The following LGR4 variants were observed in gnomAD, a reference collection of about 807,000 sequenced individuals.
The protein encoded by LGR4 is leucine rich repeat containing G protein-coupled receptor 4, also known as leucine-rich repeat-containing G protein-coupled receptor 4.
A neutral mutation model predicts 84.8 loss-of-function variants in LGR4; 44 were observed. The ratio of observed to expected loss-of-function variants is 0.52; its 90% confidence interval spans 0.41 to 0.67. The LOEUF (loss-of-function observed/expected upper bound fraction) is 0.67. Among genes scored for constraint, LGR4 ranks in the 30% least tolerant of loss-of-function variants. The pLI, the probability that LGR4 is intolerant of heterozygous loss-of-function variation, is 0.00. For missense variants in LGR4, 1,032 were observed against 1,131.4 expected, an observed-to-expected ratio of 0.91 and a Z score of 1.26; for synonymous variants, 429 against 434.3, an observed-to-expected ratio of 0.99 and a Z score of 0.15.
intron 9 of LGR4, 29 bp downstream of exon 9, chr11:27,380,611 C>A: frequency 7.4e-7 from 1 of 1,357,780 alleles, no homozygotes; most frequent in African/African-American, 1.4e-5. Context: ...TATAAATATC[C>A]AGGTTTGTTT....
chr11:27,429,939 G>A (rs1387710836), intron 1 of LGR4, among the ~76,000 whole-genome samples: 1 of 152,086 alleles, frequency 6.6e-6, no homozygotes. Context: ...TGCAGGGCAG[G>A]GGGAAGTTCC....
intron 3 of LGR4, among the ~76,000 whole-genome samples, chr11:27,391,534 C>A (rs1863285068): frequency 6.6e-6 from 1 of 152,028 alleles, no homozygotes; most frequent in Admixed American, 6.6e-5. Context: ...GTATAATAAG[C>A]AAATCCGTTG....
intron 2 of LGR4, among the ~76,000 whole-genome samples, chr11:27,410,083 G>GAACT (rs1863682665): frequency 6.6e-6 from 1 of 152,122 alleles, no homozygotes; most frequent in Admixed American, 6.6e-5. Flanking sequence ...TCAACTAAGG[G>GAACT]AACTGAATTT....
At chr11:27,384,882 C>T (rs1222979607) in intron 5 of LGR4, among the ~76,000 whole-genome samples, 1 of 152,156 alleles carries the variant, frequency 6.6e-6, no homozygotes, top group African/African-American at 2.4e-5. Flanking sequence ...CACATACTCT[C>T]TGAACAAGTG....
intron 1 of LGR4, among the ~76,000 whole-genome samples, chr11:27,423,754 T>C (rs1410980635): frequency 1.3e-5 from 2 of 152,220 alleles, no homozygotes; most frequent in Admixed American, 6.5e-5. Flanking sequence ...TGGTTTGTAA[T>C]ACTCTTGGAC....
Position 27,380,932 on chromosome 11 carries a change from C to T in LGR4, c.793G>A (p.Asp265Asn). The change falls in exon 8 of 18, where the codon GAT becomes AAT. Residue 265 changes from aspartate (D) to asparagine (N), a missense_variant. Coordinates refer to ENST00000379214, the MANE Select transcript of LGR4 (RefSeq NM_018490.5). ...FHSNSISVIPDGAFDGNPLLR... is the reference protein window; with the variant it reads ...FHSNSISVIPNGAFDGNPLLR... ...AGTGGATTACCATCAAATGCTCCAT[C>T]AGGGATAACAGAAATAGAATTACTA... The T allele has an allele frequency of 1.3e-6, 2 of 1,555,636 alleles. No homozygotes were observed. The highest frequency in any genetic ancestry group is 1.8e-6 in the Non-Finnish European group (2 of 1,127,352).
At chr11:27,443,104 A>C (rs1565095391) in intron 1 of LGR4, among the ~76,000 whole-genome samples, 1 of 152,200 alleles carries the variant, frequency 6.6e-6, no homozygotes, top group Non-Finnish European at 1.5e-5. Context: ...TGGACAGGGC[A>C]CTTTATCCAC....
intron 2 of LGR4, among the ~76,000 whole-genome samples, chr11:27,401,560 T>C (rs1863504282): frequency 6.6e-6 from 1 of 152,194 alleles, no homozygotes; most frequent in South Asian, 2.1e-4. Flanking sequence ...AAATATTTAT[T>C]GAGTTTTTAC....
chr11:27,418,648 A>G (rs1863866328), intron 1 of LGR4, among the ~76,000 whole-genome samples: 1 of 152,160 alleles, frequency 6.6e-6, no homozygotes, highest in Non-Finnish European at 1.5e-5. Flanking sequence ...GAGACAAGTT[A>G]TCAACTTGTA....
chr11:27,430,868 T>C (rs1864103746), intron 1 of LGR4, among the ~76,000 whole-genome samples: 1 of 151,950 alleles, frequency 6.6e-6, no homozygotes. Flanking sequence ...CTCTCCAACA[T>C]CATCTCAAAT....
intron 2 of LGR4, among the ~76,000 whole-genome samples, chr11:27,396,145 A>G (rs1863387963): frequency 6.6e-6 from 1 of 152,198 alleles, no homozygotes; most frequent in South Asian, 2.1e-4. Flanking sequence ...AGGAGCCAGC[A>G]TTCCAGTTCT....
intron 3 of LGR4, 86 bp from the exon 4 acceptor site, chr11:27,391,251 T>A: frequency 2.4e-6 from 1 of 414,750 alleles, no homozygotes; most frequent in South Asian, 3.2e-5. Flanking sequence ...TTTTTTTTTT[T>A]CAAAAAATAT....
At position 27,472,117 on chromosome 11, in the gene LGR4, C is replaced by T; in HGVS notation, c.185+1G>A. 1 of 1,292,974 alleles carries T rather than the reference C, an allele frequency of 7.7e-7. No homozygotes were observed. The highest frequency in any genetic ancestry group is 9.8e-7 in the Non-Finnish European group (1 of 1,018,154). 80.1% of individuals were successfully genotyped at this position (1,292,974 alleles called of 1,614,324 possible). On this transcript the variant is annotated splice_donor_variant, in intron 1 of 17. Coordinates refer to ENST00000379214, the MANE Select transcript of LGR4 (RefSeq NM_018490.5). LOFTEE classifies it high-confidence loss of function. ...CTCGCGTCCCCGCCGCCCGCACTCA[C>T]AGCGCTTGGGTGAAGGCGCTGAGCC...
At chr11:27,409,307 C>T (rs2133394713) in intron 2 of LGR4, among the ~76,000 whole-genome samples, 1 of 152,164 alleles carries the variant, frequency 6.6e-6, no homozygotes, top group African/African-American at 2.4e-5. Context: ...GACTTCAAGT[C>T]CCAGCAAAAC....
chr11:27,436,965 T>G (rs904602697), intron 1 of LGR4, among the ~76,000 whole-genome samples: 3 of 152,164 alleles, frequency 2.0e-5, no homozygotes, highest in Non-Finnish European at 2.9e-5. Context: ...CACTAAAAAA[T>G]CTGGCATATA....
At chr11:27,425,827 A>C (rs1227867455) in intron 1 of LGR4, among the ~76,000 whole-genome samples, 5 of 152,198 alleles carry the variant, frequency 3.3e-5, no homozygotes, top group African/African-American at 4.8e-5. Flanking sequence ...GTACAATATT[A>C]TGATAATATG....
At chr11:27,395,044 C>T (rs1050962711) in intron 2 of LGR4, among the ~76,000 whole-genome samples, 3 of 152,034 alleles carry the variant, frequency 2.0e-5, no homozygotes, top group African/African-American at 4.8e-5. Flanking sequence ...AAAGGGACCC[C>T]GGTCTCACCC....
chr11:27,450,430 T>C (rs1451556332), intron 1 of LGR4, among the ~76,000 whole-genome samples: 1 of 152,172 alleles, frequency 6.6e-6, no homozygotes, highest in African/African-American at 2.4e-5. Context: ...AAACTTCCAC[T>C]TGGAAATGAA....
At chr11:27,411,879 G>A (rs1863717905) in intron 2 of LGR4, among the ~76,000 whole-genome samples, 1 of 152,022 alleles carries the variant, frequency 6.6e-6, no homozygotes. Flanking sequence ...CGCTGACTTG[G>A]ATCTAATACT....
Sources: allele counts gnomAD v4.1 joint callset (sites outside exome capture counted in the v4.1 genomes callset), GRCh38; gene constraint gnomAD v4.1.1; transcripts MANE v1.5; gene names NCBI Gene and HGNC (gene_info 2026-07-23, HGNC 2026-07-21).